STARD13: variants seen among roughly 807,000 people sequenced by gnomAD.
The protein encoded by STARD13 is StAR related lipid transfer domain containing 13.
A neutral mutation model predicts 106.4 loss-of-function variants in STARD13; 62 were observed. The ratio of observed to expected loss-of-function variants is 0.58; its 90% CI spans 0.48 to 0.72. STARD13 has a LOEUF of 0.72. Ranked by LOEUF, STARD13 falls within the 30% of genes least tolerant of loss-of-function variation. The pLI, the probability that STARD13 is intolerant of heterozygous loss-of-function variation, is 0.00. For synonymous variants in STARD13, 565 were observed against 553.0 expected, an observed-to-expected ratio of 1.02 and a Z score of -0.31; for missense variants, 1,387 against 1,424.0, an observed-to-expected ratio of 0.97 and a Z score of 0.42.
the STARD13 span, among the ~76,000 whole-genome samples, chr13:33,386,372 A>T: frequency 6.6e-6 from 1 of 152,134 alleles, no homozygotes; most frequent in Non-Finnish European, 1.5e-5. Flanking sequence ...GGCTCCAGGA[A>T]GAGAAAATGT....
the STARD13 span, among the ~76,000 whole-genome samples, chr13:33,368,531 C>T: frequency 1.3e-5 from 2 of 151,798 alleles, no homozygotes; most frequent in Admixed American, 6.6e-5. Context: ...CAAGAAACAG[C>T]AGCAGCAGCA....
At chr13:33,236,892 C>T (rs1889216760) in intron 1 of STARD13, among the ~76,000 whole-genome samples, 1 of 152,120 alleles carries the variant, frequency 6.6e-6, no homozygotes, top group Admixed American at 6.5e-5. Context: ...AAATTCATTC[C>T]TTTCTCTTAA....
chr13:33,248,380 T>C (rs1411463424), intron 1 of STARD13, among the ~76,000 whole-genome samples: 1 of 152,218 alleles, frequency 6.6e-6, no homozygotes, highest in African/African-American at 2.4e-5. Context: ...TAAAGGAATG[T>C]AATTTAATAG....
the STARD13 span, among the ~76,000 whole-genome samples, chr13:33,592,833 T>G: frequency 6.6e-6 from 1 of 152,234 alleles, no homozygotes; most frequent in African/African-American, 2.4e-5. Flanking sequence ...ATTGAGTACC[T>G]TCTACAGAGA....
the STARD13 span, among the ~76,000 whole-genome samples, chr13:33,615,470 A>G: frequency 1.3e-5 from 2 of 152,312 alleles, no homozygotes; most frequent in South Asian, 4.1e-4. Flanking sequence ...TGATTTACAT[A>G]AAAAGTATTT....
the STARD13 span, among the ~76,000 whole-genome samples, chr13:33,424,075 C>G: frequency 6.6e-6 from 1 of 152,022 alleles, no homozygotes; most frequent in Middle Eastern, 3.4e-3. Flanking sequence ...CACATGTACC[C>G]TAGTACTTAA....
intron 4 of STARD13, among the ~76,000 whole-genome samples, chr13:33,141,633 G>A (rs909994958): frequency 1.3e-5 from 2 of 151,924 alleles, no homozygotes; most frequent in Non-Finnish European, 1.5e-5. Context: ...ACCGTCCCTG[G>A]GCCCCCTCAT....
intron 10 of STARD13, 143 bp from the exon 11 acceptor site, chr13:33,111,050 T>C (rs2138069395): frequency 1.5e-6 from 1 of 672,776 alleles, no homozygotes; most frequent in Non-Finnish European, 2.5e-6. Flanking sequence ...TCTAAGATCA[T>C]TGCCAAGGCC....
chr13:33,533,835 GCCCTTAA>G, the STARD13 span, among the ~76,000 whole-genome samples: 1 of 152,208 alleles, frequency 6.6e-6, no homozygotes, highest in South Asian at 2.1e-4. Flanking sequence ...CACATGTTCA[GCCCTTAA>G]CAAATGCTGA....
chr13:33,550,739 T>C, the STARD13 span, among the ~76,000 whole-genome samples: 1 of 152,258 alleles, frequency 6.6e-6, no homozygotes, highest in African/African-American at 2.4e-5. Flanking sequence ...GTATTCACTG[T>C]GACACTGATG....
At chr13:33,315,891 GC>G (rs1355517596) in intron 1 of STARD13, among the ~76,000 whole-genome samples, 1 of 151,958 alleles carries the variant, frequency 6.6e-6, no homozygotes, top group Non-Finnish European at 1.5e-5. Flanking sequence ...CCAAGAACCA[GC>G]ATTTTGGGAG....
At chr13:33,112,625 T>TCGTATCTATCTATCCATC (rs1874755695) in intron 9 of STARD13, 96 bp downstream of exon 9, 2 of 986,750 alleles carry the variant, frequency 2.0e-6, no homozygotes, top group Admixed American at 2.3e-5. Flanking sequence ...ATATATCCAT[T>TCGTATCTATCTATCCATC]CGTATCTATC....
intron 11 of STARD13, 62 bp from the exon 12 acceptor site, chr13:33,110,152 G>C: frequency 6.7e-7 from 1 of 1,502,546 alleles, no homozygotes; most frequent in East Asian, 2.4e-5. Context: ...AACATTTTTT[G>C]TTTGGGCTTT....
the STARD13 span, among the ~76,000 whole-genome samples, chr13:33,458,692 C>T: frequency 0.06 from 9,098 of 152,120 alleles, 629 homozygotes; most frequent in African/African-American, 0.17. Context: ...TTCTCTCTCT[C>T]TCTTTCTTGG....
intron 1 of STARD13, among the ~76,000 whole-genome samples, chr13:33,168,474 G>A (rs1883581211): frequency 6.6e-6 from 1 of 152,128 alleles, no homozygotes; most frequent in Admixed American, 6.5e-5. Context: ...GTGAATCCTG[G>A]ATCATTTCCC....
intron 1 of STARD13, among the ~76,000 whole-genome samples, chr13:33,252,562 A>G (rs1890142011): frequency 6.6e-6 from 1 of 152,250 alleles, no homozygotes; most frequent in African/African-American, 2.4e-5. Context: ...CTACACATGC[A>G]GGGCTTCCAA....
chr13:33,228,363 G>A (rs2138200739), intron 1 of STARD13, among the ~76,000 whole-genome samples: 1 of 151,918 alleles, frequency 6.6e-6, no homozygotes, highest in South Asian at 2.1e-4. Context: ...TTTAAACTAT[G>A]AATCTATTAA....
chr13:33,635,941 G>A, the STARD13 span, among the ~76,000 whole-genome samples: 2 of 151,452 alleles, frequency 1.3e-5, no homozygotes, highest in Non-Finnish European at 2.9e-5. Context: ...CTGAGATAAC[G>A]CCACTGCACT....
intron 1 of STARD13, among the ~76,000 whole-genome samples, chr13:33,298,124 T>G (rs1892568935): frequency 7.3e-5 from 4 of 54,876 alleles, no homozygotes; most frequent in Admixed American, 2.1e-4. Flanking sequence ...ATCTACAGTT[T>G]TTTTTTTTTT....
Sources: allele counts gnomAD v4.1 joint callset (sites outside exome capture counted in the v4.1 genomes callset), GRCh38; gene constraint gnomAD v4.1.1; transcripts MANE v1.5; gene names NCBI Gene and HGNC (gene_info 2026-07-23, HGNC 2026-07-21).